The following SYNE1 variants were observed in gnomAD, a reference collection of about 807,000 sequenced individuals.
SYNE1 encodes spectrin repeat containing nuclear envelope protein 1.
SYNE1 carries 616 observed loss-of-function variants against 1,111.0 expected under a neutral mutation model. The ratio of observed to expected loss-of-function variants is 0.55; its 90% CI spans 0.52 to 0.59. SYNE1 has a LOEUF of 0.59. Ranked by LOEUF, SYNE1 falls within the 20% of genes least tolerant of loss-of-function variation. The pLI, the probability that SYNE1 is intolerant of heterozygous loss-of-function variation, is 0.00. For missense variants in SYNE1, 10,006 were observed against 10,417.0 expected, an observed-to-expected ratio of 0.96 and a Z score of 1.72; for synonymous variants, 3,855 against 3,825.8, an observed-to-expected ratio of 1.01 and a Z score of -0.28.
chr6:152,268,014 G>C, intron 100 of SYNE1, 42 bp downstream of exon 100: 1 of 1,517,120 alleles, frequency 6.6e-7, no homozygotes, highest in Non-Finnish European at 9.2e-7. Flanking sequence ...CAAATGTCAG[G>C]GAAACACAAT....
intron 116 of SYNE1, among the ~76,000 whole-genome samples, chr6:152,225,010 T>C (rs996332515): frequency 6.7e-6 from 1 of 149,370 alleles, no homozygotes; most frequent in Non-Finnish European, 1.5e-5. Flanking sequence ...AAGAGGTTGA[T>C]ACTTTTAATA....
chr6:152,434,029 GA>G (rs2098452228), intron 33 of SYNE1, 84 bp from the exon 34 acceptor site: 1 of 1,254,244 alleles, frequency 8.0e-7, no homozygotes, highest in African/African-American at 1.5e-5. Flanking sequence ...ACCAGGTGAA[GA>G]GATAATGAAG....
intron 131 of SYNE1, among the ~76,000 whole-genome samples, chr6:152,157,453 T>C (rs1169085928): frequency 1.3e-5 from 2 of 152,080 alleles, no homozygotes; most frequent in Non-Finnish European, 1.5e-5. Flanking sequence ...AAGTGAGGTG[T>C]CAATAGACAC....
chr6:152,520,487 G>A lies in SYNE1; in HGVS notation c.281C>T (p.Thr94Met), dbSNP rs746029148. The change falls in exon 6 of 146, where the codon ACG becomes ATG. Residue 94 changes from threonine to methionine, a missense_variant. Coordinates refer to ENST00000367255, the MANE Select transcript of SYNE1 (RefSeq NM_182961.4). ...KRIHAVANIG[T>M]ALKFLEGRKI... ...TCTTCCTTCGAGGAACTTGAGTGCCGTGCCAATGTTAGCCACAGCATGGAT... is the reference window on the plus strand; with the variant it reads ...TCTTCCTTCGAGGAACTTGAGTGCCATGCCAATGTTAGCCACAGCATGGAT... 41 of 1,613,372 alleles carry A rather than the reference G, an allele frequency of 2.5e-5. 1 individual carries two copies. In the Admixed American group the frequency reaches 3.0e-4, roughly 12 times the overall value.
At chr6:152,417,058 A>T (rs748350249) in intron 40 of SYNE1, 43 bp from the exon 41 acceptor site, 2 of 1,610,052 alleles carry the variant, frequency 1.2e-6, no homozygotes, top group South Asian at 1.1e-5. Flanking sequence ...GATACACTAC[A>T]GTCTATGGCA....
intron 116 of SYNE1, among the ~76,000 whole-genome samples, chr6:152,224,899 A>ATAAATATATATATATATG (rs2153479699): frequency 6.8e-6 from 1 of 147,070 alleles, no homozygotes; most frequent in South Asian, 2.1e-4. Flanking sequence ...AGGGTAACTG[A>ATAAATATATATATATATG]TAAATATATA....
At chr6:152,381,630 G>C in intron 55 of SYNE1, 1 of 511,392 alleles carries the variant, frequency 2.0e-6, no homozygotes, top group Non-Finnish European at 3.5e-6. Context: ...GGCATTATTC[G>C]CACACGTGAA....
chr6:152,238,556 T>C (rs1316596207), intron 108 of SYNE1, among the ~76,000 whole-genome samples: 2 of 152,200 alleles, frequency 1.3e-5, no homozygotes, highest in Admixed American at 6.5e-5. Flanking sequence ...TAGCTACCTA[T>C]GAAAATGTTG....
intron 121 of SYNE1, among the ~76,000 whole-genome samples, chr6:152,215,691 CAA>C (rs1169448852): frequency 6.6e-6 from 1 of 152,172 alleles, no homozygotes; most frequent in Non-Finnish European, 1.5e-5. Flanking sequence ...CAAGCACTGA[CAA>C]GAGCTTTACA....
chr6:152,324,718 G>A (rs1014894545), intron 81 of SYNE1, among the ~76,000 whole-genome samples: 9 of 151,504 alleles, frequency 5.9e-5, no homozygotes, highest in African/African-American at 1.7e-4. Context: ...GGAGAATGGC[G>A]TGAACCCGGG....
intron 3 of SYNE1, among the ~76,000 whole-genome samples, chr6:152,597,426 G>A (rs1426146633): frequency 3.3e-5 from 5 of 152,126 alleles, no homozygotes; most frequent in Admixed American, 6.5e-5. Flanking sequence ...GACTACAGAT[G>A]TGCACCACCA....
At chr6:152,283,876 G>C in intron 96 of SYNE1, 102 bp downstream of exon 96, 4 of 1,004,972 alleles carry the variant, frequency 4.0e-6, no homozygotes, top group Non-Finnish European at 6.2e-6. Context: ...TTAGGAGAGG[G>C]AAGCAATGAA....
At chr6:152,452,772 C>A (rs1475851157) in intron 25 of SYNE1, among the ~76,000 whole-genome samples, 1 of 152,242 alleles carries the variant, frequency 6.6e-6, no homozygotes, top group African/African-American at 2.4e-5. Context: ...AGTCAGCCTC[C>A]ATGGGACAGA....
intron 121 of SYNE1, among the ~76,000 whole-genome samples, chr6:152,216,541 T>A (rs909140607): frequency 1.3e-5 from 2 of 152,118 alleles, no homozygotes; most frequent in Admixed American, 1.3e-4. Flanking sequence ...AGAGGAAATA[T>A]CACGGGCACA....
chr6:152,541,823 G>T (rs913032077), intron 3 of SYNE1, among the ~76,000 whole-genome samples: 3 of 151,300 alleles, frequency 2.0e-5, no homozygotes, highest in Non-Finnish European at 4.4e-5. Context: ...GGGGGTGTGG[G>T]TTGAAAAACT....
intron 47 of SYNE1, among the ~76,000 whole-genome samples, chr6:152,400,553 T>C (rs890979381): frequency 3.9e-5 from 6 of 151,904 alleles, no homozygotes; most frequent in Non-Finnish European, 8.8e-5. Context: ...GTTCCAACTA[T>C]TGGGGAGACT....
rs1206151091 is a variant in SYNE1, at chr6:152,233,816, T to A, written c.20677A>T (p.Thr6893Ser). ...TTCTCCTGGACGGCTGGGATATTGG[T>A]TAGCAGGTCAGTCCACTGGCTATCA... is the stretch of plus-strand genomic sequence containing the variant. The part of the protein sequence containing the change: ...RIDSQWTDLL[T>S]NIPAVQEKLH... The change falls in exon 112 of 146, where the codon ACC (threonine) becomes TCC (serine). Residue 6893 changes from threonine (T) to serine (S), a missense_variant. Coordinates refer to ENST00000367255, the MANE Select transcript of SYNE1 (RefSeq NM_182961.4). 1.2e-6 allele frequency: 2 copies of A among 1,614,200 alleles called. No homozygotes were observed. The highest frequency in any genetic ancestry group is 1.7e-6 in the Non-Finnish European group (2 of 1,180,032).
chr6:152,290,407 A>G (rs2094545219), intron 95 of SYNE1, among the ~76,000 whole-genome samples: 1 of 152,188 alleles, frequency 6.6e-6, no homozygotes, highest in Non-Finnish European at 1.5e-5. Flanking sequence ...AAATACAAAA[A>G]TTAGTCCAGC....
intron 127 of SYNE1, among the ~76,000 whole-genome samples, chr6:152,189,768 C>G (rs1388690276): frequency 6.6e-6 from 1 of 152,186 alleles, no homozygotes; most frequent in Non-Finnish European, 1.5e-5. Context: ...TCTGAGGCCT[C>G]AGCAAGTCAT....
Sources: gnomAD v4.1 joint callset for allele counts (sites outside exome capture counted in the v4.1 genomes callset) on GRCh38, gnomAD v4.1.1 for gene constraint, MANE v1.5 for transcripts, NCBI Gene and HGNC (gene_info 2026-07-23, HGNC 2026-07-21) for gene names.